TTC19: variants seen among roughly 807,000 people sequenced by gnomAD.
TTC19 encodes the protein tetratricopeptide repeat protein 19, mitochondrial.
TTC19 carries 38 observed loss-of-function variants against 49.5 expected under a neutral mutation model. That is an observed-to-expected ratio of 0.77 (90% CI 0.59 to 1.01). The LOEUF is 1.01. Ranked by LOEUF, TTC19 falls within the 50% of genes least tolerant of loss-of-function variation. The probability of loss-of-function intolerance (pLI) is 0.00; values close to 1 mark genes in which losing one functional copy is unlikely to be tolerated. For missense variants in TTC19, 475 were observed against 477.7 expected (o/e 0.99, Z 0.05); for synonymous variants, 204 against 185.2 (o/e 1.10, Z -0.83).
downstream of TTC19, chr17:16,030,878 TA>T: frequency 5.2e-6 from 1 of 190,910 alleles, no homozygotes; most frequent in Admixed American, 6.2e-5. Flanking sequence ...TACTTTTGTT[TA>T]AAAGTTTAGG....
downstream of TTC19, chr17:16,030,991 A>G (rs114088671): frequency 6.7e-3 from 1,316 of 196,544 alleles, 16 homozygotes; most frequent in African/African-American, 0.028. Context: ...GTTAGTATCT[A>G]TGTTATAGAA....
intron 2 of TTC19, among the ~76,000 whole-genome samples, chr17:16,038,920 G>A (rs1179616340): frequency 1.3e-5 from 2 of 152,042 alleles, no homozygotes; most frequent in Non-Finnish European, 2.9e-5. Flanking sequence ...ACAGGCACAC[G>A]CCATCATGCC....
At chr17:16,008,657 C>T (rs780231009) in intron 7 of TTC19, among the ~76,000 whole-genome samples, 5 of 152,120 alleles carry the variant, frequency 3.3e-5, no homozygotes, top group African/African-American at 9.7e-5. Flanking sequence ...TCCCCTTGCT[C>T]GTTCCAGTCT....
intron 1 of TTC19, 36 bp from the exon 2 acceptor site, chr17:16,000,082 G>T: frequency 7.0e-7 from 1 of 1,424,220 alleles, no homozygotes; most frequent in Non-Finnish European, 9.1e-7. Flanking sequence ...CAGGGGCGCG[G>T]GCCGGGCCCG....
intron 4 of TTC19, 113 bp downstream of exon 4, chr17:16,002,944 G>T: frequency 2.0e-6 from 2 of 988,362 alleles, no homozygotes; most frequent in South Asian, 1.3e-5. Context: ...AGAATATAGT[G>T]ACTCAAACAA....
At chr17:16,016,404 T>C (rs765830922) in intron 7 of TTC19, among the ~76,000 whole-genome samples, 8 of 152,334 alleles carry the variant, frequency 5.3e-5, no homozygotes, top group Admixed American at 3.3e-4. Context: ...GCCTCACATA[T>C]GGCTTATCCT....
chr17:16,041,646 C>T (rs1002853586), intron 2 of TTC19, among the ~76,000 whole-genome samples: 1 of 152,012 alleles, frequency 6.6e-6, no homozygotes, highest in Non-Finnish European at 1.5e-5. Context: ...AACTCCTGAC[C>T]TCAGGTGATC....
chr17:16,037,678 A>T (rs1366174324), intron 2 of TTC19, among the ~76,000 whole-genome samples: 1 of 152,192 alleles, frequency 6.6e-6, no homozygotes, highest in Non-Finnish European at 1.5e-5. Flanking sequence ...CACACAAAGA[A>T]ATAATATGTA....
In TTC19 at chr17:16,027,723, T is replaced by C. The variant is rs1179367747; in HGVS notation, c.*201T>C. 1 of 662,618 alleles carries C rather than the reference T, an allele frequency of 1.5e-6. No homozygotes were observed. 41.0% of individuals were successfully genotyped at this position (662,618 alleles called of 1,614,324 possible). A position where few individuals can be genotyped will look rare whatever the true frequency, so the allele number is the denominator to read the frequency against. On this transcript the variant is annotated 3_prime_UTR_variant, in exon 10 of 10. Transcript: ENST00000261647. ...AAAATGACTTTCATTCCCAACTGAT[T>C]ATGACCTTTCAGGATGTCGTCAAGT...
rs76762707 is a variant in TTC19, at chr17:16,036,630, C to T, written c.248-7873C>T. 3.3e-3 allele frequency among the ~76,000 whole-genome samples: 500 copies of T among 152,320 alleles called. 2 individuals are homozygous for T. Among genetic ancestry groups the T allele is most frequent in the African/African-American group, 0.012 (491 of 41,562 alleles). On this transcript the variant is annotated intron_variant, in intron 2 of 2. Coordinates refer to the TTC19 transcript ENST00000470649. ...TCAGCACTTTCTCCCTCACCTTGCA[C>T]TTTTATGTTACAGAGACGGCTTCTT...
chr17:16,028,658 A>G lies in TTC19; in HGVS notation c.*1136A>G, dbSNP rs928798529. On this transcript the variant is annotated 3_prime_UTR_variant, in exon 10 of 10. Coordinates refer to ENST00000261647, the MANE Select transcript of TTC19 (RefSeq NM_017775.4). ...GAAAAAGACAGTTTTTCTAGGTACC[A>G]TGAAGGAAGATTGACCCTGTTGGTA... 2.2e-6 allele frequency: 1 copy of G among 453,846 alleles called. No homozygotes were observed. Among genetic ancestry groups the G allele is most frequent in the Non-Finnish European group, 4.4e-6 (1 of 226,714 alleles). 28.1% of individuals were successfully genotyped at this position (453,846 alleles called of 1,614,324 possible). A position where few individuals can be genotyped will look rare whatever the true frequency, so the allele number is the denominator to read the frequency against.
At chr17:16,015,482 C>G (rs924859715) in intron 7 of TTC19, among the ~76,000 whole-genome samples, 19 of 152,208 alleles carry the variant, frequency 1.2e-4, no homozygotes, top group African/African-American at 4.6e-4. Context: ...TTTTCTAGAT[C>G]CTAATTTTAT....
downstream of TTC19, chr17:16,032,226 G>C: frequency 6.9e-7 from 1 of 1,442,364 alleles, no homozygotes; most frequent in Non-Finnish European, 9.2e-7. Flanking sequence ...TTTTTGACCT[G>C]CTACTAAAAA....
At chr17:16,006,667 G>T in intron 7 of TTC19, 99 bp downstream of exon 7, 1 of 861,658 alleles carries the variant, frequency 1.2e-6, no homozygotes, top group Non-Finnish European at 1.9e-6. Flanking sequence ...AAGAGGGAAA[G>T]TTACCTATTT....
rs566764733 is a variant in TTC19, at chr17:16,010,288, C to G, written c.676+3720C>G. Among the ~76,000 whole-genome samples the G allele has an allele frequency of 4.7e-5, 7 of 150,290 alleles. No homozygotes were observed. The East Asian group carries it at 1.4e-3, about 29-fold the overall frequency. On this transcript the variant is annotated intron_variant, in intron 7 of 9. Transcript: ENST00000261647. ...TCCCGGGTTTAAGCGGTTCTCCTGC[C>G]TCAGCCTCCCGAGTAGCCGGGACTA...
At chr17:16,044,371 A>C in intron 2 of TTC19, 1 of 470,962 alleles carries the variant, frequency 2.1e-6, no homozygotes, top group Non-Finnish European at 4.4e-6. Context: ...TAATCACAAG[A>C]GTGACACAGA....
chr17:16,007,761 A>G (rs1597454246), intron 7 of TTC19, among the ~76,000 whole-genome samples: 3 of 152,214 alleles, frequency 2.0e-5, no homozygotes, highest in African/African-American at 7.2e-5. Context: ...CCAGAATGGC[A>G]TGCAATTTAA....
At chr17:16,006,629 T>A (rs377207424) in intron 7 of TTC19, 61 bp downstream of exon 7, 2 of 1,162,314 alleles carry the variant, frequency 1.7e-6, no homozygotes, top group Non-Finnish European at 2.6e-6. Context: ...TTTACACTTT[T>A]GAGAAATGGA....
At chr17:16,025,612 A>C (rs1971528544) in intron 8 of TTC19, among the ~76,000 whole-genome samples, 1 of 152,212 alleles carries the variant, frequency 6.6e-6, no homozygotes, top group Non-Finnish European at 1.5e-5. Context: ...AAAACACTTA[A>C]ACCATTGGCA....
Sources: gnomAD v4.1 joint callset for allele counts (sites outside exome capture counted in the v4.1 genomes callset) on GRCh38, gnomAD v4.1.1 for gene constraint, MANE v1.5 for transcripts, NCBI Gene and HGNC (gene_info 2026-07-23, HGNC 2026-07-21) for gene names.